The following DPYD variants were observed in gnomAD, a reference collection of about 807,000 sequenced individuals.
DPYD encodes the protein dihydropyrimidine dehydrogenase [NADP(+)].
A neutral mutation model predicts 116.2 loss-of-function variants in DPYD; 109 were observed. The observed-to-expected ratio is 0.94, with a 90% CI of 0.80 to 1.10. The LOEUF is 1.10. Ranked by LOEUF, DPYD falls within the 50% of genes least tolerant of loss-of-function variation. DPYD has a pLI of 0.00. For synonymous variants in DPYD, 440 were observed against 432.0 expected, an observed-to-expected ratio of 1.02 and a Z score of -0.23; for missense variants, 1,302 against 1,254.5, an observed-to-expected ratio of 1.04 and a Z score of -0.57.
intron 10 of DPYD, among the ~76,000 whole-genome samples, chr1:97,582,937 C>G (rs1412261201): frequency 6.6e-6 from 1 of 152,082 alleles, no homozygotes; most frequent in Non-Finnish European, 1.5e-5. Context: ...TTAAATACAT[C>G]TCTTTTAACA....
At chr1:97,183,779 T>C (rs1475850949) in intron 20 of DPYD, among the ~76,000 whole-genome samples, 1 of 152,122 alleles carries the variant, frequency 6.6e-6, no homozygotes, top group East Asian at 1.9e-4. Context: ...ACTTTTATTT[T>C]AGATGCAAGG....
At chr1:97,692,754 G>C (rs1403281011) in intron 6 of DPYD, among the ~76,000 whole-genome samples, 3 of 152,078 alleles carry the variant, frequency 2.0e-5, no homozygotes, top group Non-Finnish European at 2.9e-5. Context: ...TTAGAATGTG[G>C]TACGCACAAT....
chr1:97,660,489 T>C (rs1015188043), intron 8 of DPYD, among the ~76,000 whole-genome samples: 3 of 152,260 alleles, frequency 2.0e-5, no homozygotes, highest in African/African-American at 7.2e-5. Context: ...TTAAGACCCA[T>C]CATAAATGTA....
chr1:97,418,415 G>A (rs562838030), intron 14 of DPYD, among the ~76,000 whole-genome samples: 6 of 151,098 alleles, frequency 4.0e-5, no homozygotes, highest in South Asian at 2.1e-4. Context: ...ATTCTCCTGC[G>A]TCAGCCTCCC....
At chr1:97,574,022 C>G in intron 10 of DPYD, 52 bp from the exon 11 acceptor site, 1 of 1,596,528 alleles carries the variant, frequency 6.3e-7, no homozygotes, top group Non-Finnish European at 8.5e-7. Context: ...TTATTCCACA[C>G]AGTATTTGAT....
At chr1:97,474,481 G>C (rs1677839874) in intron 13 of DPYD, among the ~76,000 whole-genome samples, 1 of 151,838 alleles carries the variant, frequency 6.6e-6, no homozygotes, top group Non-Finnish European at 1.5e-5. Context: ...CCTTTGAAAA[G>C]AGAGTTTAGG....
intron 16 of DPYD, among the ~76,000 whole-genome samples, chr1:97,322,350 G>GTTTT (rs1168381248): frequency 1.3e-5 from 2 of 151,882 alleles, no homozygotes; most frequent in Middle Eastern, 3.2e-3. Flanking sequence ...TTGTTTGTTT[G>GTTTT]TTTGCTTGCT....
At chr1:97,571,403 TAA>T (rs1652885705) in intron 11 of DPYD, among the ~76,000 whole-genome samples, 3 of 151,960 alleles carry the variant, frequency 2.0e-5, no homozygotes, top group South Asian at 2.1e-4. Context: ...TCAGAAAGTT[TAA>T]GTGACTTGGA....
In DPYD at chr1:97,335,299, T is replaced by TACACACACAC. The variant is rs35371362; in HGVS notation, c.2059-29012_2059-29003dup. 2.5e-3 allele frequency among the ~76,000 whole-genome samples: 337 copies of TACACACACAC among 136,310 alleles called. 1 individual carries two copies. The highest frequency in any genetic ancestry group is 8.3e-3 in the African/African-American group (299 of 35,920). The allele number at this position is 136,310 out of a possible 152,430, so 89.4% of individuals were successfully genotyped here. On this transcript the variant is annotated intron_variant, in intron 16 of 22. Transcript: ENST00000370192. The stretch of plus-strand genomic sequence containing the variant: ...CATCACAATCATTTATGGAGTTAAG[T>TACACACACAC]ACACACACACACACACACACACACA...
At chr1:97,158,931 A>G (rs1208591816) in intron 20 of DPYD, among the ~76,000 whole-genome samples, 2 of 152,124 alleles carry the variant, frequency 1.3e-5, no homozygotes, top group East Asian at 3.9e-4. Context: ...TTGCATTAAG[A>G]TAAGTTAATT....
At chr1:97,391,354 C>A (rs989958224) in intron 14 of DPYD, among the ~76,000 whole-genome samples, 6 of 151,972 alleles carry the variant, frequency 3.9e-5, no homozygotes, top group African/African-American at 1.4e-4. Flanking sequence ...TTTATCCACA[C>A]TATATATGCT....
chr1:97,309,191 A>G (rs987189725), intron 16 of DPYD, among the ~76,000 whole-genome samples: 2 of 151,906 alleles, frequency 1.3e-5, no homozygotes, highest in African/African-American at 4.8e-5. Context: ...AGAAAAACAG[A>G]ATAGCTTAAC....
rs72979720 is a variant in DPYD, at chr1:97,840,988, C to T, written c.151-12792G>A. Among the ~76,000 whole-genome samples the T allele has an allele frequency of 8.1e-3, 1,240 of 152,154 alleles. 22 individuals are homozygous for T. Among genetic ancestry groups the T allele is most frequent in the African/African-American group, 0.028 (1,165 of 41,524 alleles). ...TTTTCTCCATGAAGAAAAAATGATG[C>T]TGTATCAGAGGTTAAAAACTACAAG... On this transcript the variant is annotated intron_variant, in intron 2 of 22. Transcript: ENST00000370192.
intron 13 of DPYD, among the ~76,000 whole-genome samples, chr1:97,494,180 A>G (rs539666311): frequency 6.6e-6 from 1 of 152,166 alleles, no homozygotes; most frequent in African/African-American, 2.4e-5. Flanking sequence ...AACTCTAAAA[A>G]AATTTAAAAT....
chr1:97,273,750 C>A (rs144327505), intron 18 of DPYD, among the ~76,000 whole-genome samples: 1 of 152,132 alleles, frequency 6.6e-6, no homozygotes, highest in Non-Finnish European at 1.5e-5. Flanking sequence ...TGAGTTCACA[C>A]ATATTAAAAT....
At chr1:97,274,591 T>C (rs550938869) in intron 18 of DPYD, among the ~76,000 whole-genome samples, 57 of 152,258 alleles carry the variant, frequency 3.7e-4, no homozygotes, top group African/African-American at 1.3e-3. Flanking sequence ...AATGGACTAA[T>C]ACAAAATAAT....
intron 8 of DPYD, among the ~76,000 whole-genome samples, chr1:97,624,619 T>C (rs2100778575): frequency 6.6e-6 from 1 of 152,126 alleles, no homozygotes; most frequent in African/African-American, 2.4e-5. Flanking sequence ...TCTGGGTATT[T>C]ACCCAAAAGA....
intron 20 of DPYD, among the ~76,000 whole-genome samples, chr1:97,167,770 A>C (rs1656432908): frequency 6.6e-6 from 1 of 152,194 alleles, no homozygotes; most frequent in African/African-American, 2.4e-5. Flanking sequence ...ATGTGTTTAT[A>C]TTAATAATTC....
At chr1:97,224,988 A>C (rs1440487884) in intron 19 of DPYD, among the ~76,000 whole-genome samples, 1 of 147,476 alleles carries the variant, frequency 6.8e-6, no homozygotes, top group African/African-American at 2.5e-5. Context: ...GATCTATCTA[A>C]CTATCTGTCT....
Sources: gnomAD v4.1 joint callset for allele counts (sites outside exome capture counted in the v4.1 genomes callset) on GRCh38, gnomAD v4.1.1 for gene constraint, MANE v1.5 for transcripts, NCBI Gene and HGNC (gene_info 2026-07-23, HGNC 2026-07-21) for gene names.